The following MTA3 variants were observed in gnomAD, a reference collection of about 807,000 sequenced individuals.
MTA3 encodes metastasis associated 1 family member 3, also known as metastasis-associated protein MTA3.
A neutral mutation model predicts 83.5 loss-of-function variants in MTA3; 34 were observed. The ratio of observed to expected loss-of-function variants is 0.41; its 90% CI spans 0.31 to 0.54. The LOEUF (loss-of-function observed/expected upper bound fraction) is 0.54. Ranked by LOEUF, MTA3 falls within the 20% of genes least tolerant of loss-of-function variation. MTA3 has a pLI of 0.33. For synonymous variants in MTA3, 303 were observed against 252.7 expected (o/e 1.20, Z -1.89); for missense variants, 761 against 726.4 (o/e 1.05, Z -0.55).
At position 42,669,572 on chromosome 2, in the gene MTA3, A is replaced by G. The variant is rs190764393; in HGVS notation, c.702+9710A>G. 2.0e-5 allele frequency among the ~76,000 whole-genome samples: 3 copies of G among 152,322 alleles called. No homozygotes were observed. The East Asian group carries it at 5.8e-4, about 29-fold the overall frequency. On this transcript the variant is annotated intron_variant, in intron 8 of 16. Transcript: ENST00000405094. ...AGTACTAATGGACTAGCACTGCAGT[A>G]AAAAATAGGAAACACGAAATTTTTC...
intron 9 of MTA3, among the ~76,000 whole-genome samples, chr2:42,695,108 C>T (rs938161875): frequency 5.9e-5 from 9 of 152,026 alleles, no homozygotes; most frequent in Admixed American, 4.6e-4. Flanking sequence ...TGCACTGCAG[C>T]CTGGGTGACC....
intron 2 of MTA3, among the ~76,000 whole-genome samples, chr2:42,525,470 G>A (rs1482065485): frequency 2.7e-5 from 2 of 73,614 alleles, no homozygotes; most frequent in Non-Finnish European, 5.5e-5. Flanking sequence ...AAAGTGCTAG[G>A]ATCAATTCCT....
chr2:42,717,385 A>G (rs928612030), intron 14 of MTA3, among the ~76,000 whole-genome samples: 1 of 152,178 alleles, frequency 6.6e-6, no homozygotes, highest in Non-Finnish European at 1.5e-5. Context: ...AGGCATAAAC[A>G]TAGTAGAATC....
At chr2:42,730,632 T>G (rs4953609) in intron 16 of MTA3, among the ~76,000 whole-genome samples, 90,362 of 152,060 alleles carry the variant, frequency 0.59, 28,550 homozygotes, top group African/African-American at 0.81. Context: ...TGAGGTTTTT[T>G]CGTCAGTGTT....
chr2:42,655,095 G>GTC (rs749861134), intron 6 of MTA3, among the ~76,000 whole-genome samples: 28 of 152,182 alleles, frequency 1.8e-4, no homozygotes, highest in African/African-American at 6.3e-4. Flanking sequence ...AGGCTGCTAT[G>GTC]TCTCTCTCTC....
intron 4 of MTA3, among the ~76,000 whole-genome samples, chr2:42,610,982 C>CTTTTTTTTTT (rs773889459): frequency 2.9e-5 from 4 of 135,992 alleles, no homozygotes; most frequent in Non-Finnish European, 3.2e-5. Flanking sequence ...CTTTTCTTTT[C>CTTTTTTTTTT]TTTTTTTTTT....
chr2:42,517,864 C>CAAAAAAAAAAAA (rs386390061), intron 2 of MTA3, among the ~76,000 whole-genome samples: 1 of 95,274 alleles, frequency 1.0e-5, no homozygotes, highest in African/African-American at 4.0e-5. Context: ...GACTCTGTCT[C>CAAAAAAAAAAAA]AAAAAAAAAA....
intron 8 of MTA3, among the ~76,000 whole-genome samples, chr2:42,673,754 A>G (rs1691062781): frequency 6.6e-6 from 1 of 152,194 alleles, no homozygotes; most frequent in Admixed American, 6.5e-5. Context: ...CAGGGTGAAA[A>G]GCTGGGCCTT....
At chr2:42,550,532 A>G (rs1256142720) in intron 2 of MTA3, among the ~76,000 whole-genome samples, 2 of 152,178 alleles carry the variant, frequency 1.3e-5, no homozygotes, top group East Asian at 3.8e-4. Context: ...GGTTGTGGAA[A>G]TGTGGGTGCA....
intron 4 of MTA3, among the ~76,000 whole-genome samples, chr2:42,628,360 A>G (rs1686333063): frequency 6.6e-6 from 1 of 151,778 alleles, no homozygotes; most frequent in Non-Finnish European, 1.5e-5. Flanking sequence ...CCTCCCGAGT[A>G]GCTGGGATTA....
intron 2 of MTA3, among the ~76,000 whole-genome samples, chr2:42,518,218 C>T (rs1371456481): frequency 6.6e-6 from 1 of 152,048 alleles, no homozygotes; most frequent in Non-Finnish European, 1.5e-5. Context: ...AGTTGAGTTG[C>T]ATGCACTAAG....
chr2:42,650,134 A>AAGCAGGT (rs1414584372), intron 6 of MTA3, among the ~76,000 whole-genome samples: 2 of 152,214 alleles, frequency 1.3e-5, no homozygotes, highest in African/African-American at 4.8e-5. Flanking sequence ...AGAATTGTTT[A>AAGCAGGT]AGCAGGTATT....
At chr2:42,555,217 A>T (rs1677320046) in intron 2 of MTA3, among the ~76,000 whole-genome samples, 1 of 151,538 alleles carries the variant, frequency 6.6e-6, no homozygotes, top group Non-Finnish European at 1.5e-5. Flanking sequence ...TAATCCCAGC[A>T]ATTTGGGAGG....
chr2:42,699,540 G>C (rs1241117281), intron 11 of MTA3, among the ~76,000 whole-genome samples: 1 of 152,196 alleles, frequency 6.6e-6, no homozygotes, highest in African/African-American at 2.4e-5. Context: ...AGAGGGACCA[G>C]TTATGAAGTT....
chr2:42,562,706 G>A (rs1478026586), intron 2 of MTA3, among the ~76,000 whole-genome samples: 1 of 152,172 alleles, frequency 6.6e-6, no homozygotes, highest in East Asian at 1.9e-4. Flanking sequence ...CTTTCCCTGG[G>A]GCCAGGGTTT....
intron 2 of MTA3, among the ~76,000 whole-genome samples, chr2:42,507,657 C>T (rs1309922182): frequency 8.0e-5 from 12 of 150,828 alleles, no homozygotes; most frequent in African/African-American, 2.7e-4. Context: ...GGTCAGGTGC[C>T]GTGGCTCACA....
chr2:42,648,683 T>C (rs1167510101), intron 6 of MTA3, among the ~76,000 whole-genome samples: 1 of 152,188 alleles, frequency 6.6e-6, no homozygotes, highest in East Asian at 1.9e-4. Context: ...CTTTTAGATT[T>C]TACATCTTTC....
chr2:42,724,931 A>G (rs1667709213), intron 16 of MTA3, among the ~76,000 whole-genome samples: 2 of 152,220 alleles, frequency 1.3e-5, no homozygotes, highest in Admixed American at 6.5e-5. Context: ...GGGGCACACA[A>G]TGAATCCTTG....
intron 2 of MTA3, chr2:42,532,824 C>T (rs1426789893): frequency 4.9e-6 from 2 of 410,778 alleles, no homozygotes; most frequent in African/African-American, 2.1e-5. Context: ...GGTTCTCTCA[C>T]AGTGTGCTTC....
Sources: allele counts gnomAD v4.1 joint callset (sites outside exome capture counted in the v4.1 genomes callset), GRCh38; gene constraint gnomAD v4.1.1; transcripts MANE v1.5; gene names NCBI Gene and HGNC (gene_info 2026-07-23, HGNC 2026-07-21).